The following KIF26B variants were observed in gnomAD, a reference collection of about 807,000 sequenced individuals.
KIF26B encodes kinesin-like protein KIF26B.
A neutral mutation model predicts 151.2 loss-of-function variants in KIF26B; 63 were observed. That is an observed-to-expected ratio of 0.42 (90% CI 0.34 to 0.51). KIF26B has a LOEUF of 0.51. Among genes scored for constraint, KIF26B ranks in the 20% least tolerant of loss-of-function variants. The probability of loss-of-function intolerance (pLI) is 0.07; values close to 1 mark genes in which losing one functional copy is unlikely to be tolerated. For synonymous variants in KIF26B, 1,357 were observed against 1,262.1 expected (o/e 1.08, Z -1.59); for missense variants, 2,813 against 2,913.6 (o/e 0.97, Z 0.79).
At chr1:245,245,791 G>A (rs764359014) in intron 2 of KIF26B, among the ~76,000 whole-genome samples, 13 of 152,100 alleles carry the variant, frequency 8.5e-5, no homozygotes, top group Non-Finnish European at 1.9e-4. Flanking sequence ...GCCGGGCGTG[G>A]TGGCGGGTGC....
intron 9 of KIF26B, among the ~76,000 whole-genome samples, chr1:245,641,350 T>C (rs915355863): frequency 3.3e-5 from 5 of 152,110 alleles, no homozygotes; most frequent in African/African-American, 1.2e-4. Flanking sequence ...ACTTTTGACC[T>C]TTGTGTACCT....
At chr1:245,364,297 G>A (rs1052884619) in intron 2 of KIF26B, among the ~76,000 whole-genome samples, 2 of 152,148 alleles carry the variant, frequency 1.3e-5, no homozygotes, top group Admixed American at 1.3e-4. Flanking sequence ...TCAGAGCCAG[G>A]GATGGCTCAT....
intron 2 of KIF26B, among the ~76,000 whole-genome samples, chr1:245,327,982 CCAGTGTG>C (rs1672027189): frequency 6.6e-6 from 1 of 152,066 alleles, no homozygotes; most frequent in Non-Finnish European, 1.5e-5. Context: ...CCACACTTAG[CCAGTGTG>C]AAGGGAAGAG....
At position 245,367,030 on chromosome 1, in the gene KIF26B, C is replaced by T. The variant is rs779913549; in HGVS notation, c.662C>T (p.Pro221Leu). ...SEHYDASPCS[P>L]PPLSNIPTLV... The stretch of plus-strand genomic sequence containing the variant: ...CACTACGACGCCTCGCCCTGCTCCC[C>T]GCCACCGCTCTCCAACATCCCCACC... Residue 221 changes from proline to leucine, a missense_variant, in exon 3 of 15, where the codon CCG becomes CTG. By Grantham distance (98) the Pro-to-Leu change is moderately conservative. Around this residue, in one of 3 missense-constraint regions of KIF26B, gnomAD observed 676 missense variants for 688.1 expected, o/e 0.98. Transcript: ENST00000407071. This position sits in a 1 kb window ranked among gnomAD's most constrained non-coding sequence, Gnocchi z 4.2. The T allele has an allele frequency of 9.9e-6, 16 of 1,610,718 alleles. No homozygotes were observed. The highest frequency in any genetic ancestry group is 2.2e-5 in the South Asian group (2 of 90,546).
chr1:245,264,279 CCTTT>C (rs1670701331), intron 2 of KIF26B, among the ~76,000 whole-genome samples: 1 of 152,010 alleles, frequency 6.6e-6, no homozygotes, highest in Non-Finnish European at 1.5e-5. Flanking sequence ...CTATTTTTTT[CCTTT>C]CTTATATCTT....
intron 12 of KIF26B, among the ~76,000 whole-genome samples, chr1:245,694,491 C>G (rs1283821032): frequency 6.6e-6 from 1 of 152,244 alleles, no homozygotes; most frequent in Non-Finnish European, 1.5e-5. Context: ...GGGCTCAGCA[C>G]TCAGAACACC....
At chr1:245,303,934 T>C (rs535737168) in intron 2 of KIF26B, among the ~76,000 whole-genome samples, 126 of 152,332 alleles carry the variant, frequency 8.3e-4, no homozygotes, top group Non-Finnish European at 1.6e-3. Context: ...AGGTGCAGCC[T>C]CCTCCACAGA....
At chr1:245,224,822 TG>T (rs1669843321) in intron 2 of KIF26B, among the ~76,000 whole-genome samples, 1 of 152,148 alleles carries the variant, frequency 6.6e-6, no homozygotes, top group African/African-American at 2.4e-5. Flanking sequence ...TTCCATGTAG[TG>T]GAGTAGAAAA....
intron 2 of KIF26B, among the ~76,000 whole-genome samples, chr1:245,249,219 C>T (rs1470194690): frequency 6.6e-6 from 1 of 151,804 alleles, no homozygotes; most frequent in Non-Finnish European, 1.5e-5. Flanking sequence ...TCAAGCGCCT[C>T]CTGAGTAGCT....
chr1:245,468,320 G>T (rs1055853524), intron 4 of KIF26B, among the ~76,000 whole-genome samples: 1 of 152,150 alleles, frequency 6.6e-6, no homozygotes, highest in African/African-American at 2.4e-5. Context: ...GGGGGTCATT[G>T]GTTTGGAGAA....
At chr1:245,370,734 A>T in intron 3 of KIF26B, 1 of 426,018 alleles carries the variant, frequency 2.3e-6, no homozygotes, top group Non-Finnish European at 4.8e-6. Context: ...AACACTGAAG[A>T]TGCTGCTTAA....
chr1:245,655,170 ACACACT>A (rs1392333219), intron 10 of KIF26B, among the ~76,000 whole-genome samples: 1 of 152,132 alleles, frequency 6.6e-6, no homozygotes, highest in Non-Finnish European at 1.5e-5. Context: ...GGCTAACCTC[ACACACT>A]CAGACGCTCT....
intron 2 of KIF26B, among the ~76,000 whole-genome samples, chr1:245,324,748 G>A (rs35262493): frequency 0.15 from 23,000 of 152,040 alleles, 2,235 homozygotes; most frequent in Admixed American, 0.31. Flanking sequence ...CACGGCTGCT[G>A]GGATATGGCA....
intron 4 of KIF26B, among the ~76,000 whole-genome samples, chr1:245,431,885 C>A (rs1448085157): frequency 6.6e-6 from 1 of 152,178 alleles, no homozygotes; most frequent in Non-Finnish European, 1.5e-5. Context: ...GCTCTGTGCA[C>A]ACCATCTGTC....
chr1:245,168,338 G>A (rs546672018), intron 2 of KIF26B, among the ~76,000 whole-genome samples: 13 of 152,354 alleles, frequency 8.5e-5, no homozygotes, highest in Admixed American at 1.3e-4. Context: ...CGGTAGCGCC[G>A]TCGTTGCTGA....
intron 10 of KIF26B, among the ~76,000 whole-genome samples, chr1:245,661,178 G>A (rs1337869122): frequency 6.6e-6 from 1 of 151,820 alleles, no homozygotes; most frequent in Non-Finnish European, 1.5e-5. Context: ...GTAGAGATGG[G>A]GTTTTGCATG....
Position 245,366,989 on chromosome 1 carries a change from G to A in KIF26B, c.621G>A (p.Gln207=). 2.5e-6 allele frequency: 4 copies of A among 1,613,924 alleles called. No individual in the cohort carries two copies. Among genetic ancestry groups the A allele is most frequent in the Non-Finnish European group, 3.4e-6 (4 of 1,179,886 alleles). The change falls in exon 3 of 15, where the codon CAG becomes CAA. Residue 207 remains glutamine, a synonymous_variant. Transcript: ENST00000407071. ...EAIQMVLTLE[Q]AAGSEHYDAS... ...TCCAGATGGTGCTGACGTTGGAGCA[G>A]GCAGCCGGCAGTGAGCACTACGACG...
At position 245,352,681 on chromosome 1, in the gene KIF26B, G is replaced by A. The variant is rs776745231; in HGVS notation, c.466-14153G>A. ...ACATTTTTTTAACTTTTTCAGAATC[G>A]ATTCAAGGAAAAGTGATAGAGGCAG... is the stretch of plus-strand genomic sequence containing the variant. On this transcript the variant is annotated intron_variant, in intron 2 of 14. Transcript: ENST00000407071. The surrounding 1 kb of genome is among the most constrained non-coding windows in gnomAD (Gnocchi z 5.0). Among the ~76,000 whole-genome samples the A allele has an allele frequency of 6.6e-6, 1 of 152,012 alleles. No individual in the cohort carries two copies. Among genetic ancestry groups the A allele is most frequent in the African/African-American group, 2.4e-5 (1 of 41,352 alleles).
intron 2 of KIF26B, among the ~76,000 whole-genome samples, chr1:245,296,101 G>T: frequency 6.6e-6 from 1 of 152,040 alleles, no homozygotes; most frequent in East Asian, 1.9e-4. Flanking sequence ...TTATTGAATT[G>T]GGTTGTACAT....
Sources: gnomAD v4.1 joint callset for allele counts (sites outside exome capture counted in the v4.1 genomes callset) on GRCh38, gnomAD v4.1.1 for gene constraint, gnomAD v4.1.1 regional missense constraint, Gnocchi (gnomAD v3.1) non-coding constraint, MANE v1.5 for transcripts, NCBI Gene and HGNC (gene_info 2026-07-23, HGNC 2026-07-21) for gene names.